Variants in RBM33 observed in about 807,000 individuals in gnomAD.
RBM33 encodes RNA binding motif protein 33, also known as RNA-binding protein 33.
In RBM33, 28 loss-of-function variants were observed where a neutral mutation model predicts 132.6. The ratio of observed to expected loss-of-function variants is 0.21; its 90% CI spans 0.16 to 0.29. The LOEUF (loss-of-function observed/expected upper bound fraction) is 0.29. Ranked by LOEUF, RBM33 falls within the 10% of genes least tolerant of loss-of-function variation. The pLI is 1.00. For missense variants in RBM33, 1,291 were observed against 1,518.5 expected (o/e 0.85, Z 2.49); for synonymous variants, 634 against 593.0 (o/e 1.07, Z -1.01).
At chr7:155,749,486 A>G (rs1027362234) in intron 14 of RBM33, among the ~76,000 whole-genome samples, 1 of 152,072 alleles carries the variant, frequency 6.6e-6, no homozygotes, top group Non-Finnish European at 1.5e-5. Flanking sequence ...ATAGTTGTCT[A>G]TTTTATCTGC....
rs1420840525 is a variant in RBM33 at position 155,740,056 on chromosome 7, C to G, written c.2049+30C>G. The G allele has an allele frequency of 2.0e-6, 3 of 1,488,256 alleles. No homozygotes were observed. The Admixed American group carries it at 7.0e-5, about 35-fold the overall frequency. 92.2% of individuals were successfully genotyped at this position (1,488,256 alleles called of 1,614,324 possible). A position where few individuals can be genotyped will look rare whatever the true frequency, so the allele number is the denominator to read the frequency against. Reference sequence around the variant, plus strand: ...GTGTCAAGGGGTGTCTTCCCTGTGTCTTCCTGGGAGGCCTTTTAACTTACA... The same window carrying G: ...GTGTCAAGGGGTGTCTTCCCTGTGTGTTCCTGGGAGGCCTTTTAACTTACA... On this transcript the variant is annotated intron_variant, in intron 12 of 17. Transcript: ENST00000401878.
At chr7:155,667,123 T>TCGA (rs1468063919) in intron 2 of RBM33, among the ~76,000 whole-genome samples, 2 of 152,230 alleles carry the variant, frequency 1.3e-5, no homozygotes, top group Non-Finnish European at 2.9e-5. Context: ...GTTGCAGGTG[T>TCGA]CATGCCACTT....
At chr7:155,728,519 T>G (rs569827533) in intron 9 of RBM33, among the ~76,000 whole-genome samples, 13 of 152,332 alleles carry the variant, frequency 8.5e-5, no homozygotes, top group Admixed American at 3.9e-4. Context: ...GAGTAAACGG[T>G]TTCTTTCTAA....
intron 9 of RBM33, among the ~76,000 whole-genome samples, chr7:155,734,921 A>C (rs1801065484): frequency 6.6e-6 from 1 of 152,122 alleles, no homozygotes; most frequent in Non-Finnish European, 1.5e-5. Context: ...ATAATGCAGA[A>C]CCTTGATTGC....
intron 8 of RBM33, 142 bp downstream of exon 8, chr7:155,711,597 T>G: frequency 1.9e-6 from 1 of 538,802 alleles, no homozygotes; most frequent in Non-Finnish European, 3.0e-6. Flanking sequence ...CGTTCGAATG[T>G]TGAGATTTGA....
intron 9 of RBM33, among the ~76,000 whole-genome samples, chr7:155,727,585 A>G (rs992281305): frequency 6.6e-6 from 1 of 152,252 alleles, no homozygotes; most frequent in African/African-American, 2.4e-5. Context: ...CTCTGTTTCA[A>G]AAAAGCAATA....
intron 9 of RBM33, among the ~76,000 whole-genome samples, chr7:155,725,203 G>T (rs867286739): frequency 2.7e-3 from 282 of 104,966 alleles, no homozygotes; most frequent in African/African-American, 5.6e-3. Context: ...TTTTTTAGTT[G>T]TTTTTTTTTT....
intron 14 of RBM33, among the ~76,000 whole-genome samples, chr7:155,762,947 G>A (rs1290058281): frequency 6.6e-6 from 1 of 152,214 alleles, no homozygotes; most frequent in Non-Finnish European, 1.5e-5. Context: ...CCAGCCTTCA[G>A]CTGTTCTTTG....
rs1294945629 is a variant in RBM33, at chr7:155,644,691, TTTG to T, written c.-180_-178del. On this transcript the variant is annotated 5_prime_UTR_variant, in exon 1 of 18. Transcript: ENST00000401878. The stretch of plus-strand genomic sequence containing the variant: ...CGGGCGCGCGGCCATGTTGCGGTAG[TTTG>T]TTGTTTTCTTCCTGCGGAGGCGAAG... The T allele has an allele frequency of 1.4e-5, 6 of 434,840 alleles. No individual in the cohort carries two copies. The highest frequency in any genetic ancestry group is 4.0e-5 in the South Asian group (1 of 24,880). The allele number at this position is 434,840 out of a possible 1,614,324, so 26.9% of individuals were successfully genotyped here.
In RBM33 at chr7:155,775,192, C is replaced by T. The variant is rs568625607; in HGVS notation, c.*151C>T. On this transcript the variant is annotated 3_prime_UTR_variant, in exon 18 of 18. Coordinates refer to ENST00000401878, the MANE Select transcript of RBM33 (RefSeq NM_053043.3). ...CTCCAGAGCGCCAGCCAGCCACGGG[C>T]CTGATTCCAGAGGAGCCGAACTGAC... is the stretch of plus-strand genomic sequence containing the variant. The T allele has an allele frequency of 6.7e-6, 5 of 750,422 alleles. No homozygotes were observed. The African/African-American group carries it at 8.6e-5, about 13-fold the overall frequency. 46.5% of individuals were successfully genotyped at this position (750,422 alleles called of 1,614,324 possible). A position where few individuals can be genotyped will look rare whatever the true frequency, so the allele number is the denominator to read the frequency against.
chr7:155,704,970 AG>A (rs1403841032), intron 6 of RBM33, among the ~76,000 whole-genome samples: 1 of 152,096 alleles, frequency 6.6e-6, no homozygotes, highest in African/African-American at 2.4e-5. Context: ...TTTAAAAAAA[AG>A]TCAGACTGTC....
At chr7:155,719,042 A>G (rs1800548707) in intron 9 of RBM33, among the ~76,000 whole-genome samples, 1 of 152,140 alleles carries the variant, frequency 6.6e-6, no homozygotes, top group African/African-American at 2.4e-5. Context: ...AATTTTATCC[A>G]TTCTTCTAAC....
intron 15 of RBM33, among the ~76,000 whole-genome samples, chr7:155,764,376 T>C (rs1802145099): frequency 6.6e-6 from 1 of 152,176 alleles, no homozygotes; most frequent in Non-Finnish European, 1.5e-5. Context: ...CCAGAAATTT[T>C]ACAAATGTGA....
intron 1 of RBM33, among the ~76,000 whole-genome samples, chr7:155,657,428 C>CA (rs1288405559): frequency 6.6e-6 from 1 of 152,224 alleles, no homozygotes; most frequent in Admixed American, 6.5e-5. Context: ...TGCTTGTTAA[C>CA]AAGGTTATAA....
intron 1 of RBM33, among the ~76,000 whole-genome samples, chr7:155,648,394 GT>G (rs554928158): frequency 1.3e-5 from 2 of 152,164 alleles, no homozygotes; most frequent in Admixed American, 1.3e-4. Context: ...TCGAATTCAG[GT>G]TTTTTGACTT....
intron 6 of RBM33, among the ~76,000 whole-genome samples, chr7:155,701,839 C>T (rs1799975155): frequency 1.3e-5 from 2 of 152,158 alleles, no homozygotes; most frequent in Admixed American, 6.5e-5. Flanking sequence ...AGGTGCGTGC[C>T]ACCACACCCG....
chr7:155,685,088 G>C lies in RBM33; in HGVS notation c.567+4180G>C, dbSNP rs1050340754. On this transcript the variant is annotated intron_variant, in intron 5 of 17. Coordinates refer to ENST00000401878, the MANE Select transcript of RBM33 (RefSeq NM_053043.3). ...ATCTTTTAAAAAGAGTAAAAAGTTT[G>C]CTGTTTCCCTCCCCCAGACTTAAAA... 1.2e-5 allele frequency: 19 copies of C among 1,541,628 alleles called. No individual in the cohort carries two copies. The African/African-American group carries it at 2.3e-4, about 19-fold the overall frequency.
In RBM33 at chr7:155,675,431, G is replaced by A. The variant is rs117973681; in HGVS notation, c.171+2516G>A. On this transcript the variant is annotated intron_variant, in intron 3 of 17. Coordinates refer to ENST00000401878, the MANE Select transcript of RBM33 (RefSeq NM_053043.3). ...TTATAATGGCAACATAACATTGAAT[G>A]TTTGTATATGCTACAGTGTCCCTAG... Among the ~76,000 whole-genome samples, 835 of 151,906 alleles carry A rather than the reference G, an allele frequency of 5.5e-3. 4 individuals are homozygous for A. The highest frequency in any genetic ancestry group is 0.01 in the Middle Eastern group (3 of 294).
At chr7:155,725,552 T>A (rs1346118237) in intron 9 of RBM33, among the ~76,000 whole-genome samples, 7 of 152,164 alleles carry the variant, frequency 4.6e-5, no homozygotes, top group Admixed American at 4.6e-4. Flanking sequence ...CATAAAATTG[T>A]GACCCTCATT....
Sources: allele counts gnomAD v4.1 joint callset (sites outside exome capture counted in the v4.1 genomes callset), GRCh38; gene constraint gnomAD v4.1.1; transcripts MANE v1.5; gene names NCBI Gene and HGNC (gene_info 2026-07-23, HGNC 2026-07-21).